Variants in RAPGEF1 observed in about 807,000 individuals in gnomAD.
The protein encoded by RAPGEF1 is Rap guanine nucleotide exchange factor 1.
A neutral mutation model predicts 143.3 loss-of-function variants in RAPGEF1; 33 were observed. That is an observed-to-expected ratio of 0.23 (90% CI 0.17 to 0.31). The LOEUF (loss-of-function observed/expected upper bound fraction) is 0.31. Among genes scored for constraint, RAPGEF1 ranks in the 10% least tolerant of loss-of-function variants. The probability of loss-of-function intolerance (pLI) is 1.00; values close to 1 mark genes in which losing one functional copy is unlikely to be tolerated. For synonymous variants in RAPGEF1, 629 were observed against 676.5 expected (o/e 0.93, Z 1.09); for missense variants, 1,199 against 1,645.4 (o/e 0.73, Z 4.69).
At chr9:131,682,406 AG>A (rs1291858602) in intron 1 of RAPGEF1, among the ~76,000 whole-genome samples, 1 of 152,196 alleles carries the variant, frequency 6.6e-6, no homozygotes, top group Non-Finnish European at 1.5e-5. Context: ...GTCTGTCAGT[AG>A]ATTTATGCTG....
intron 1 of RAPGEF1, among the ~76,000 whole-genome samples, chr9:131,701,955 C>T (rs184459406): frequency 2.8e-4 from 43 of 152,190 alleles, no homozygotes; most frequent in Non-Finnish European, 5.1e-4. Context: ...TGACTACATC[C>T]CAATATGGCC....
intron 13 of RAPGEF1, 84 bp downstream of exon 13, chr9:131,604,847 A>C: frequency 2.5e-6 from 3 of 1,215,524 alleles, no homozygotes; most frequent in Non-Finnish European, 3.2e-6. Flanking sequence ...CAGGAACGTG[A>C]AACCGCTTTT....
At chr9:131,597,554 T>C (rs1955514032) in intron 16 of RAPGEF1, among the ~76,000 whole-genome samples, 2 of 152,180 alleles carry the variant, frequency 1.3e-5, no homozygotes, top group African/African-American at 4.8e-5. Flanking sequence ...GGCTGCTTTA[T>C]GAAGCCGCTC....
At chr9:131,692,213 C>G (rs907375561) in intron 1 of RAPGEF1, among the ~76,000 whole-genome samples, 1 of 152,280 alleles carries the variant, frequency 6.6e-6, no homozygotes, top group South Asian at 2.1e-4. Flanking sequence ...CCAAGTTTGA[C>G]GAGACTAAGC....
chr9:131,629,018 A>G, intron 7 of RAPGEF1, 84 bp downstream of exon 7: 1 of 1,522,616 alleles, frequency 6.6e-7, no homozygotes, highest in Non-Finnish European at 8.8e-7. Flanking sequence ...CTCAGCGCTG[A>G]GGGGAAAGGG....
At chr9:131,692,621 G>A (rs1225949916) in intron 1 of RAPGEF1, among the ~76,000 whole-genome samples, 1 of 152,200 alleles carries the variant, frequency 6.6e-6, no homozygotes, top group Non-Finnish European at 1.5e-5. Context: ...TCATGCTGTG[G>A]ACAGCTTTTC....
intron 12 of RAPGEF1, among the ~76,000 whole-genome samples, 197 bp downstream of exon 12, chr9:131,618,853 GC>G (rs1388510374): frequency 6.6e-6 from 1 of 152,164 alleles, no homozygotes; most frequent in Non-Finnish European, 1.5e-5. Context: ...TCCCATGCCT[GC>G]CCCTGCCTCA....
intron 4 of RAPGEF1, among the ~76,000 whole-genome samples, chr9:131,642,530 G>A (rs913618224): frequency 5.3e-5 from 8 of 152,194 alleles, no homozygotes; most frequent in Admixed American, 3.9e-4. Flanking sequence ...CAAAGGCTGC[G>A]CCTCCTGAAC....
At position 131,621,163 on chromosome 9, in the gene RAPGEF1, G is replaced by A. The variant is rs993600095; in HGVS notation, c.1905+633C>T. ...GGGCAGTTCCAGAGCCTCATGGGGT[G>A]CCCACGGTGGAACAGCTTGCCTTCT... On this transcript the variant is annotated intron_variant, in intron 11 of 26. Coordinates refer to ENST00000683357, the MANE Select transcript of RAPGEF1 (RefSeq NM_001377935.1). The surrounding 1 kb of genome is among the most constrained non-coding windows in gnomAD (Gnocchi z 4.5). Among the ~76,000 whole-genome samples, 1 of 152,262 alleles carries A rather than the reference G, an allele frequency of 6.6e-6. No homozygotes were observed. Among genetic ancestry groups the A allele is most frequent in the African/African-American group, 2.4e-5 (1 of 41,468 alleles).
chr9:131,690,740 C>T (rs998158278), intron 1 of RAPGEF1, among the ~76,000 whole-genome samples: 4 of 151,998 alleles, frequency 2.6e-5, no homozygotes, highest in Non-Finnish European at 4.4e-5. Flanking sequence ...TACAGTGAGC[C>T]GAGATTGTGC....
At chr9:131,657,205 G>A (rs1463709330) in intron 1 of RAPGEF1, among the ~76,000 whole-genome samples, 1 of 152,234 alleles carries the variant, frequency 6.6e-6, no homozygotes, top group East Asian at 1.9e-4. Flanking sequence ...GAACACTGCT[G>A]TTAGGGCAAT....
At position 131,628,487 on chromosome 9, in the gene RAPGEF1, C is replaced by A; in HGVS notation, c.1017+62G>T. On this transcript the variant is annotated intron_variant, in intron 8 of 26. Coordinates refer to ENST00000683357, the MANE Select transcript of RAPGEF1 (RefSeq NM_001377935.1). This position sits in a 1 kb window ranked among gnomAD's most constrained non-coding sequence, Gnocchi z 5.7. ...ATGGGTTTCTTTCAGCTTCAGGAGC[C>A]ACATCCCTGAGCCCCCCACCCCCTC... The A allele has an allele frequency of 1.3e-6, 2 of 1,585,528 alleles. No individual in the cohort carries two copies. The highest frequency in any genetic ancestry group is 1.7e-6 in the Non-Finnish European group (2 of 1,162,494).
chr9:131,607,570 C>T (rs918020115), intron 12 of RAPGEF1, among the ~76,000 whole-genome samples: 13 of 152,024 alleles, frequency 8.6e-5, no homozygotes, highest in African/African-American at 2.4e-4. Flanking sequence ...AGGGGTGGGA[C>T]GGCGTGCTGC....
chr9:131,627,158 G>A (rs1474265414), intron 9 of RAPGEF1, among the ~76,000 whole-genome samples: 2 of 140,562 alleles, frequency 1.4e-5, no homozygotes, highest in Non-Finnish European at 3.0e-5. Context: ...AGGTTGCAGT[G>A]AGCCCAGATC....
intron 5 of RAPGEF1, among the ~76,000 whole-genome samples, chr9:131,630,774 T>TG (rs1015182209): frequency 4.7e-4 from 71 of 151,290 alleles, no homozygotes; most frequent in African/African-American, 1.5e-3. Flanking sequence ...TGCTAGCTGG[T>TG]GGGGGTGGGG....
At chr9:131,685,848 G>A (rs1041763133) in intron 1 of RAPGEF1, among the ~76,000 whole-genome samples, 3 of 152,140 alleles carry the variant, frequency 2.0e-5, no homozygotes, top group South Asian at 2.1e-4. Flanking sequence ...AAACTCAGGC[G>A]AATTCAGCTA....
At chr9:131,622,131 A>G (rs1235768110) in intron 10 of RAPGEF1, 133 bp from the exon 11 acceptor site, 12 of 841,536 alleles carry the variant, frequency 1.4e-5, no homozygotes, top group Non-Finnish European at 2.1e-5. Flanking sequence ...CAGACGGAGC[A>G]CGGAGGACTT....
chr9:131,672,293 T>A (rs1831531137), intron 1 of RAPGEF1, among the ~76,000 whole-genome samples: 1 of 152,284 alleles, frequency 6.6e-6, no homozygotes, highest in African/African-American at 2.4e-5. Context: ...TCTAAAGATT[T>A]AAATTCTATT....
chr9:131,702,326 C>G (rs148832121), intron 1 of RAPGEF1, among the ~76,000 whole-genome samples: 1 of 152,264 alleles, frequency 6.6e-6, no homozygotes, highest in Admixed American at 6.5e-5. Flanking sequence ...TAATTGGGTA[C>G]GCTTAAATAA....
Sources: allele counts gnomAD v4.1 joint callset (sites outside exome capture counted in the v4.1 genomes callset), GRCh38; gene constraint gnomAD v4.1.1; non-coding constraint Gnocchi (gnomAD v3.1); transcripts MANE v1.5; gene names NCBI Gene and HGNC (gene_info 2026-07-23, HGNC 2026-07-21).